FAF1: variants seen among roughly 807,000 people sequenced by gnomAD.
The protein encoded by FAF1 is FAS-associated factor 1.
In FAF1, 25 loss-of-function variants were observed where a neutral mutation model predicts 92.5. The observed-to-expected ratio is 0.27, with a 90% CI of 0.20 to 0.38. FAF1 has a LOEUF of 0.38. FAF1 is among the 10% of genes least tolerant of loss of function. The probability of loss-of-function intolerance (pLI) is 1.00; values close to 1 mark genes in which losing one functional copy is unlikely to be tolerated. For missense variants in FAF1, 636 were observed against 793.3 expected (o/e 0.80, Z 2.38); for synonymous variants, 234 against 273.2 (o/e 0.86, Z 1.42).
chr1:50,919,691 G>A (rs979977514), intron 1 of FAF1, among the ~76,000 whole-genome samples: 6 of 152,060 alleles, frequency 3.9e-5, no homozygotes, highest in Non-Finnish European at 8.8e-5. Context: ...GTTTCACCAT[G>A]TTGGCCAGGA....
intron 2 of FAF1, among the ~76,000 whole-genome samples, chr1:50,853,442 G>A (rs568955288): frequency 7.2e-5 from 11 of 152,080 alleles, no homozygotes; most frequent in African/African-American, 2.4e-4. Flanking sequence ...ACACATATGC[G>A]GATTTGTTTC....
intron 1 of FAF1, among the ~76,000 whole-genome samples, chr1:50,928,890 C>T (rs1645027250): frequency 6.6e-6 from 1 of 151,406 alleles, no homozygotes; most frequent in South Asian, 2.1e-4. Flanking sequence ...TCGAGACCAG[C>T]CTGGCCAACA....
In FAF1 at chr1:50,846,446, C is replaced by T. The variant is rs529756049; in HGVS notation, c.114+11483G>A. 8.5e-5 allele frequency: 37 copies of T among 434,798 alleles called. 1 individual carries two copies. Among genetic ancestry groups the T allele is most frequent in the South Asian group, 6.3e-4 (36 of 56,972 alleles). 26.9% of individuals were successfully genotyped at this position (434,798 alleles called of 1,614,324 possible). On this transcript the variant is annotated intron_variant, in intron 2 of 18. Coordinates refer to ENST00000396153, the MANE Select transcript of FAF1 (RefSeq NM_007051.3). ...TCCTGGGAACCAGCTCGCTTCCGAG[C>T]CGCACGCATCGAGCCTCCAGGCATG...
At chr1:50,781,082 A>AG (rs2124561951) in intron 4 of FAF1, 1 of 388,708 alleles carries the variant, frequency 2.6e-6, no homozygotes, top group Admixed American at 2.8e-5. Context: ...ATTGAGTACC[A>AG]GCTCTCACAC....
intron 8 of FAF1, among the ~76,000 whole-genome samples, chr1:50,622,580 A>G (rs1653267458): frequency 6.6e-6 from 1 of 152,168 alleles, no homozygotes; most frequent in Non-Finnish European, 1.5e-5. Context: ...CAGGAATCTA[A>G]TATTACTTGA....
At chr1:50,870,693 G>A (rs535074078) in intron 1 of FAF1, among the ~76,000 whole-genome samples, 1 of 152,142 alleles carries the variant, frequency 6.6e-6, no homozygotes, top group Non-Finnish European at 1.5e-5. Context: ...ACAAGACAAT[G>A]AACTTCATCA....
At chr1:50,781,139 G>A (rs900413345) in intron 4 of FAF1, 8 of 266,934 alleles carry the variant, frequency 3.0e-5, no homozygotes, top group South Asian at 2.0e-4. Context: ...ATACTCCTCC[G>A]GGTGCCCCGG....
At chr1:50,536,484 T>C (rs1017932233) in intron 14 of FAF1, among the ~76,000 whole-genome samples, 5 of 152,190 alleles carry the variant, frequency 3.3e-5, no homozygotes, top group Non-Finnish European at 7.3e-5. Context: ...TGCTGGCATT[T>C]TTCCAGAGGG....
At chr1:50,747,398 T>C (rs1476295758) in intron 4 of FAF1, among the ~76,000 whole-genome samples, 1 of 152,230 alleles carries the variant, frequency 6.6e-6, no homozygotes, top group Non-Finnish European at 1.5e-5. Context: ...TAAGATTTAA[T>C]GACTATCCTG....
intron 7 of FAF1, among the ~76,000 whole-genome samples, chr1:50,685,171 T>A (rs1226852968): frequency 1.3e-5 from 2 of 152,300 alleles, no homozygotes; most frequent in East Asian, 3.9e-4. Context: ...AGAAATCACA[T>A]CCTTTTAAAA....
intron 18 of FAF1, among the ~76,000 whole-genome samples, chr1:50,468,616 C>T (rs1480388995): frequency 4.6e-5 from 7 of 152,244 alleles, no homozygotes; most frequent in Admixed American, 6.5e-5. Flanking sequence ...CCTGCCACCG[C>T]GCCTGGCTAA....
intron 18 of FAF1, among the ~76,000 whole-genome samples, chr1:50,449,337 T>C (rs1047620949): frequency 4.6e-5 from 7 of 152,152 alleles, no homozygotes; most frequent in Non-Finnish European, 8.8e-5. Flanking sequence ...ACGCAGGTCC[T>C]CTCCTTTCAA....
chr1:50,776,482 A>G (rs1660966553), intron 4 of FAF1, among the ~76,000 whole-genome samples: 1 of 152,162 alleles, frequency 6.6e-6, no homozygotes, highest in African/African-American at 2.4e-5. Context: ...AATCCAGAGA[A>G]GCCAGCCATT....
chr1:50,915,767 C>T (rs1171645635), intron 1 of FAF1, among the ~76,000 whole-genome samples: 2 of 151,988 alleles, frequency 1.3e-5, no homozygotes, highest in African/African-American at 2.4e-5. Flanking sequence ...ATTTCAGGCT[C>T]ATGAAAATTA....
At chr1:50,588,114 C>A (rs1015500343) in intron 9 of FAF1, among the ~76,000 whole-genome samples, 1 of 152,102 alleles carries the variant, frequency 6.6e-6, no homozygotes, top group Non-Finnish European at 1.5e-5. Flanking sequence ...TGATGAAACC[C>A]CATCTCCACT....
intron 7 of FAF1, among the ~76,000 whole-genome samples, chr1:50,677,277 C>T (rs1343683652): frequency 2.0e-5 from 3 of 152,122 alleles, no homozygotes; most frequent in Admixed American, 1.3e-4. Context: ...TTCTAACATG[C>T]CTGCTCACAT....
rs143713416 is a variant in FAF1, at chr1:50,754,428, C to G, written c.368-9653G>C. Reference sequence around the variant, plus strand: ...TGAATTATGAGGTTTTCCAATCTAGCTGGTAGGAACAGACACTATTACCAA... The same window carrying G: ...TGAATTATGAGGTTTTCCAATCTAGGTGGTAGGAACAGACACTATTACCAA... On this transcript the variant is annotated intron_variant, in intron 4 of 18. Transcript: ENST00000396153. 4.7e-4 allele frequency among the ~76,000 whole-genome samples: 72 copies of G among 152,288 alleles called. 1 individual carries two copies. The highest frequency in any genetic ancestry group is 8.4e-4 in the Non-Finnish European group (57 of 68,034).
chr1:50,888,287 G>C (rs1450940567), intron 1 of FAF1, among the ~76,000 whole-genome samples: 1 of 152,174 alleles, frequency 6.6e-6, no homozygotes, highest in Non-Finnish European at 1.5e-5. Context: ...CTGAGACGAT[G>C]GGGTTTTCTA....
chr1:50,907,406 G>C (rs1341268923), intron 1 of FAF1, among the ~76,000 whole-genome samples: 2 of 152,178 alleles, frequency 1.3e-5, no homozygotes, highest in Non-Finnish European at 2.9e-5. Context: ...AAATGAGTTA[G>C]GGAGGATTCC....
Sources: allele counts gnomAD v4.1 joint callset (sites outside exome capture counted in the v4.1 genomes callset), GRCh38; gene constraint gnomAD v4.1.1; transcripts MANE v1.5; gene names NCBI Gene and HGNC (gene_info 2026-07-23, HGNC 2026-07-21).